The following ZFP91 variants were observed in gnomAD, a reference collection of about 807,000 sequenced individuals.
ZFP91 encodes the protein ZFP91 zinc finger protein, atypical E3 ubiquitin ligase, also known as E3 ubiquitin-protein ligase ZFP91.
ZFP91 carries 7 observed loss-of-function variants against 63.5 expected under a neutral mutation model. The observed-to-expected ratio is 0.11, with a 90% CI of 0.06 to 0.21. ZFP91 has a LOEUF of 0.21. Ranked by LOEUF, ZFP91 falls within the 10% of genes least tolerant of loss-of-function variation. ZFP91 has a pLI of 1.00. For synonymous variants in ZFP91, 330 were observed against 272.1 expected (o/e 1.21, Z -2.10); for missense variants, 628 against 736.6 (o/e 0.85, Z 1.71).
Position 58,579,526 on chromosome 11 carries a change from G to T in ZFP91, c.245G>T (p.Ser82Ile). ...RKAEYPRRRR[S>I]SPSARPPDVP... ...GCCGAGTATCCCCGCCGGCGGAGGA[G>T]CAGCCCCAGCGCCAGGCCTCCCGAC... The change falls in exon 1 of 11, where the codon AGC (serine) becomes ATC (isoleucine). Residue 82 changes from serine (S) to isoleucine (I), a missense_variant. By Grantham distance (142) the Ser-to-Ile change is moderately radical. Transcript: ENST00000316059. 1 of 1,570,442 alleles carries T rather than the reference G, an allele frequency of 6.4e-7. No homozygotes were observed.
intron 8 of ZFP91, among the ~76,000 whole-genome samples, chr11:58,613,128 G>A (rs971925240): frequency 1.3e-5 from 2 of 152,114 alleles, no homozygotes; most frequent in Non-Finnish European, 2.9e-5. Context: ...GGTTAATCAT[G>A]ATTAGTCCAT....
At chr11:58,592,387 T>C (rs1855322637) in intron 2 of ZFP91, among the ~76,000 whole-genome samples, 1 of 152,080 alleles carries the variant, frequency 6.6e-6, no homozygotes, top group Admixed American at 6.6e-5. Context: ...GTGTCCAGTC[T>C]GCACATCCTT....
At chr11:58,596,489 A>T (rs182304309) in intron 2 of ZFP91, among the ~76,000 whole-genome samples, 2 of 152,306 alleles carry the variant, frequency 1.3e-5, no homozygotes, top group Admixed American at 6.5e-5. Context: ...GAATAATTGG[A>T]ACCTTTCTGC....
chr11:58,603,005 G>A (rs114623472), intron 2 of ZFP91, among the ~76,000 whole-genome samples: 38 of 152,180 alleles, frequency 2.5e-4, no homozygotes, highest in Admixed American at 1.0e-3. Flanking sequence ...AAAAAACAGC[G>A]TAGATTGCCT....
intron 2 of ZFP91, among the ~76,000 whole-genome samples, chr11:58,598,218 G>GT (rs901730266): frequency 3.8e-4 from 58 of 152,200 alleles, no homozygotes; most frequent in African/African-American, 1.3e-3. Context: ...CTTTGTGTGT[G>GT]TAAGTTTTGT....
intron 2 of ZFP91, among the ~76,000 whole-genome samples, chr11:58,596,218 A>C (rs564044603): frequency 2.6e-5 from 4 of 152,326 alleles, no homozygotes; most frequent in African/African-American, 9.6e-5. Flanking sequence ...GATCGTTATA[A>C]GGTCTTTGTC....
At chr11:58,613,528 G>A (rs566814249) in intron 8 of ZFP91, among the ~76,000 whole-genome samples, 3 of 152,078 alleles carry the variant, frequency 2.0e-5, no homozygotes, top group African/African-American at 4.8e-5. Context: ...GAGAACTTTC[G>A]TTGGAATCTT....
intron 2 of ZFP91, among the ~76,000 whole-genome samples, chr11:58,606,385 T>C (rs548957315): frequency 6.6e-6 from 1 of 152,300 alleles, no homozygotes; most frequent in South Asian, 2.1e-4. Context: ...TTCCTTTTTA[T>C]AGTTATCTTT....
chr11:58,580,694 C>T (rs1855098305), intron 1 of ZFP91, among the ~76,000 whole-genome samples: 1 of 152,198 alleles, frequency 6.6e-6, no homozygotes, highest in Non-Finnish European at 1.5e-5. Flanking sequence ...TGTGTCTTGG[C>T]ATGCTTGCCT....
chr11:58,581,369 T>C (rs965770923), intron 1 of ZFP91, among the ~76,000 whole-genome samples: 1 of 152,204 alleles, frequency 6.6e-6, no homozygotes, highest in Non-Finnish European at 1.5e-5. Context: ...GTTTAATTTC[T>C]TTTTTTGGAG....
intron 2 of ZFP91, among the ~76,000 whole-genome samples, chr11:58,595,740 C>G (rs931173223): frequency 2.6e-5 from 4 of 151,836 alleles, no homozygotes; most frequent in African/African-American, 9.7e-5. Flanking sequence ...ACCGGCCTGG[C>G]TAATTTTTGT....
At chr11:58,584,023 G>A (rs1855163022) in intron 1 of ZFP91, among the ~76,000 whole-genome samples, 1 of 151,948 alleles carries the variant, frequency 6.6e-6, no homozygotes, top group African/African-American at 2.4e-5. Flanking sequence ...AGTATAGGAA[G>A]TTCATTATAC....
At position 58,610,317 on chromosome 11, in the gene ZFP91, G is replaced by C. The variant is rs368219174; in HGVS notation, c.600G>C (p.Gln200His). The change falls in exon 4 of 11, where the codon CAG (glutamine) becomes CAC (histidine). Residue 200 changes from glutamine to histidine, a missense_variant. By Grantham distance (24) the Gln-to-His change is conservative (BLOSUM62 0). This residue lies in a region of ZFP91 where 437 missense variants were observed against 380.3 expected (regional missense o/e 1.15). Coordinates refer to ENST00000316059, the MANE Select transcript of ZFP91 (RefSeq NM_053023.5). ...TTCTAGATGTTGGAGAAGAGCATCAGTCTCCAGGTGGCATTAGGTAAAAAA... is the reference window on the plus strand; with the variant it reads ...TTCTAGATGTTGGAGAAGAGCATCACTCTCCAGGTGGCATTAGGTAAAAAA... ...QLDYDVGEEHQSPGGISSEEE... is the reference protein window; with the variant it reads ...QLDYDVGEEHHSPGGISSEEE... 6.3e-7 allele frequency: 1 copy of C among 1,597,448 alleles called. No homozygotes were observed. The highest frequency in any genetic ancestry group is 1.4e-5 in the African/African-American group (1 of 73,630).
At position 58,609,925 on chromosome 11, in the gene ZFP91, A is replaced by T; in HGVS notation, c.466A>T (p.Arg156Trp). 3 of 1,614,216 alleles carry T rather than the reference A, an allele frequency of 1.9e-6. No individual in the cohort carries two copies. Among genetic ancestry groups the T allele is most frequent in the Non-Finnish European group, 2.5e-6 (3 of 1,180,026 alleles). Residue 156 changes from arginine to tryptophan, a missense_variant, in exon 3 of 11, where the codon AGG (arginine) becomes TGG (tryptophan). Arg to Trp is a moderately radical substitution (Grantham distance 101). This residue lies in a region of ZFP91 where 437 missense variants were observed against 380.3 expected (regional missense o/e 1.15). Coordinates refer to ENST00000316059, the MANE Select transcript of ZFP91 (RefSeq NM_053023.5). ...ACCTAGCCGGGGCTGGCGTAGTAGT[A>T]GGACATCTGTTTCTCGCCATCGTGA... ...SRPSRGWRSS[R>W]TSVSRHRDTE...
In ZFP91 at chr11:58,621,272, C is replaced by G. The variant is rs1045157745; in HGVS notation, c.*3566C>G. Among the ~76,000 whole-genome samples, 4 of 152,104 alleles carry G rather than the reference C, an allele frequency of 2.6e-5. No homozygotes were observed. Among genetic ancestry groups the G allele is most frequent in the African/African-American group, 9.7e-5 (4 of 41,422 alleles). ...GAAATCTTGATGTTTTGACAACTGC[C>G]TCCTAGGAAAACTGGCCATATGTTA... is the stretch of plus-strand genomic sequence containing the variant. On this transcript the variant is annotated 3_prime_UTR_variant, in exon 11 of 11. Coordinates refer to ENST00000316059, the MANE Select transcript of ZFP91 (RefSeq NM_053023.5).
intron 2 of ZFP91, among the ~76,000 whole-genome samples, chr11:58,599,384 TTAACACTGTTTTCTTAGGTTTTCCA>T (rs1428981216): frequency 1.3e-5 from 2 of 152,108 alleles, no homozygotes; most frequent in African/African-American, 4.8e-5. Context: ...AACATTTTTC[TTAACACTGTTTTCTTAGGTTTTCCA>T]TAACACTGTT....
chr11:58,588,325 C>T (rs1855246376), intron 2 of ZFP91, among the ~76,000 whole-genome samples: 1 of 152,164 alleles, frequency 6.6e-6, no homozygotes, highest in Non-Finnish European at 1.5e-5. Context: ...TCAGCATTTA[C>T]TTAGATTATT....
At chr11:58,580,895 T>C (rs534922791) in intron 1 of ZFP91, among the ~76,000 whole-genome samples, 1 of 152,374 alleles carries the variant, frequency 6.6e-6, no homozygotes, top group South Asian at 2.1e-4. Flanking sequence ...TTGCTGTAGA[T>C]GCATTTCATC....
At chr11:58,600,434 ATAAT>A (rs1855474927) in intron 2 of ZFP91, among the ~76,000 whole-genome samples, 3 of 148,788 alleles carry the variant, frequency 2.0e-5, no homozygotes, top group South Asian at 4.2e-4. Flanking sequence ...AATAAAGGTA[ATAAT>A]TATTTTCTTA....
Sources: allele counts gnomAD v4.1 joint callset (sites outside exome capture counted in the v4.1 genomes callset), GRCh38; gene constraint gnomAD v4.1.1; regional missense constraint gnomAD v4.1.1; transcripts MANE v1.5; gene names NCBI Gene and HGNC (gene_info 2026-07-23, HGNC 2026-07-21).